Variants in SLC4A10 observed in about 807,000 individuals in gnomAD.
SLC4A10 encodes sodium-driven chloride bicarbonate exchanger.
A neutral mutation model predicts 137.7 loss-of-function variants in SLC4A10; 42 were observed. The observed-to-expected ratio is 0.30, with a 90% confidence interval of 0.24 to 0.39. SLC4A10 has a LOEUF of 0.39. Among genes scored for constraint, SLC4A10 ranks in the 10% least tolerant of loss-of-function variants. The pLI, the probability that SLC4A10 is intolerant of heterozygous loss-of-function variation, is 1.00. For synonymous variants in SLC4A10, 474 were observed against 464.1 expected, an observed-to-expected ratio of 1.02 and a Z score of -0.27; for missense variants, 925 against 1,355.0, an observed-to-expected ratio of 0.68 and a Z score of 4.98.
intron 10 of SLC4A10, among the ~76,000 whole-genome samples, chr2:161,892,189 A>G (rs1361051190): frequency 6.6e-6 from 1 of 152,116 alleles, no homozygotes; most frequent in Non-Finnish European, 1.5e-5. Flanking sequence ...TCATCTACCT[A>G]AAACACGGTA....
chr2:161,946,369 T>C (rs1448430523), intron 16 of SLC4A10, among the ~76,000 whole-genome samples: 1 of 152,076 alleles, frequency 6.6e-6, no homozygotes, highest in Non-Finnish European at 1.5e-5. Context: ...ACAGTGTAGC[T>C]ATTTGTAATT....
chr2:161,813,203 G>T (rs1318425492), intron 3 of SLC4A10, among the ~76,000 whole-genome samples: 1 of 151,802 alleles, frequency 6.6e-6, no homozygotes, highest in African/African-American at 2.4e-5. Flanking sequence ...TGGACTCCTA[G>T]GTTTTTTCCT....
At chr2:161,652,930 C>T (rs2037008836) in intron 1 of SLC4A10, among the ~76,000 whole-genome samples, 1 of 152,018 alleles carries the variant, frequency 6.6e-6, no homozygotes, top group Non-Finnish European at 1.5e-5. Context: ...TATACACGTG[C>T]CATGGTGGTT....
intron 1 of SLC4A10, among the ~76,000 whole-genome samples, chr2:161,734,371 G>A (rs550522026): frequency 6.6e-6 from 1 of 152,212 alleles, no homozygotes; most frequent in Non-Finnish European, 1.5e-5. Flanking sequence ...GAGATCTGAT[G>A]GTTTTATCAG....
At chr2:161,657,776 T>C (rs966684094) in intron 1 of SLC4A10, among the ~76,000 whole-genome samples, 1 of 152,074 alleles carries the variant, frequency 6.6e-6, no homozygotes, top group Non-Finnish European at 1.5e-5. Context: ...GAAATTATAA[T>C]AGACCAATAT....
chr2:161,979,787 A>G (rs1370314660), intron 26 of SLC4A10, among the ~76,000 whole-genome samples: 2 of 152,178 alleles, frequency 1.3e-5, no homozygotes, highest in African/African-American at 2.4e-5. Flanking sequence ...GCTGGCACCC[A>G]TGCAGCCTTT....
intron 15 of SLC4A10, among the ~76,000 whole-genome samples, chr2:161,933,399 CCCTTT>C (rs1183937522): frequency 6.7e-6 from 1 of 150,084 alleles, no homozygotes; most frequent in African/African-American, 2.5e-5. Context: ...CCCTTCCCTT[CCCTTT>C]CCTCTTTCTT....
rs745845888 is a variant in SLC4A10 at position 161,879,301 on chromosome 2, A to G, written c.1106+13A>G. ...CAATCCCAACCAGGTAAAAAGTATA[A>G]AAGCGTCTTTTGTATTTTTCTTAAA... On this transcript the variant is annotated intron_variant, in intron 9 of 26. Transcript: ENST00000446997. 57 of 1,593,348 alleles carry G rather than the reference A, an allele frequency of 3.6e-5. No individual in the cohort carries two copies. The highest frequency in any genetic ancestry group is 2.1e-4 in the Admixed American group (12 of 57,162).
intron 1 of SLC4A10, among the ~76,000 whole-genome samples, chr2:161,713,264 A>G (rs1402769183): frequency 6.6e-6 from 1 of 151,844 alleles, no homozygotes; most frequent in Admixed American, 6.6e-5. Context: ...TTGCTGATGT[A>G]CGTATTCCTG....
intron 10 of SLC4A10, among the ~76,000 whole-genome samples, chr2:161,885,668 T>A (rs1160823877): frequency 6.6e-6 from 1 of 152,248 alleles, no homozygotes; most frequent in African/African-American, 2.4e-5. Context: ...TCAACACTGC[T>A]ACCAATGTGT....
At chr2:161,839,713 G>A in intron 3 of SLC4A10, 76 bp from the exon 4 acceptor site, 1 of 1,546,554 alleles carries the variant, frequency 6.5e-7, no homozygotes, top group Non-Finnish European at 8.8e-7. Flanking sequence ...TGGTGCTGAA[G>A]GCAGTGACTG....
chr2:161,810,177 A>T (rs1267563926), intron 3 of SLC4A10, among the ~76,000 whole-genome samples: 1 of 151,932 alleles, frequency 6.6e-6, no homozygotes, highest in Non-Finnish European at 1.5e-5. Context: ...ATACAATGTT[A>T]TTGCTGTACA....
intron 15 of SLC4A10, among the ~76,000 whole-genome samples, chr2:161,936,699 T>C (rs888482336): frequency 2.6e-5 from 4 of 152,194 alleles, no homozygotes; most frequent in Admixed American, 2.6e-4. Context: ...GCTCAACATT[T>C]GTTGATTTTG....
At chr2:161,865,176 A>G (rs2060665177) in intron 6 of SLC4A10, among the ~76,000 whole-genome samples, 1 of 151,814 alleles carries the variant, frequency 6.6e-6, no homozygotes. Context: ...TTTTTTTTTC[A>G]GGCAAGAGAC....
At chr2:161,858,696 G>A (rs948403373) in intron 5 of SLC4A10, among the ~76,000 whole-genome samples, 1 of 152,064 alleles carries the variant, frequency 6.6e-6, no homozygotes, top group African/African-American at 2.4e-5. Context: ...GATTAATGAT[G>A]GAAATATCCT....
intron 2 of SLC4A10, among the ~76,000 whole-genome samples, chr2:161,802,475 C>T (rs1209225469): frequency 6.6e-6 from 1 of 151,922 alleles, no homozygotes; most frequent in African/African-American, 2.4e-5. Flanking sequence ...TTCAGTTATC[C>T]CTTTCAAAGA....
At chr2:161,764,384 T>C (rs2050580646) in intron 1 of SLC4A10, among the ~76,000 whole-genome samples, 1 of 152,054 alleles carries the variant, frequency 6.6e-6, no homozygotes, top group Non-Finnish European at 1.5e-5. Context: ...GGAGGTTTAT[T>C]GGGAGAGGAA....
intron 1 of SLC4A10, among the ~76,000 whole-genome samples, chr2:161,677,523 A>T (rs768991290): frequency 1.3e-5 from 2 of 152,226 alleles, no homozygotes; most frequent in Non-Finnish European, 2.9e-5. Context: ...TTTCAAGAAC[A>T]TACTGCTACA....
intron 23 of SLC4A10, among the ~76,000 whole-genome samples, chr2:161,968,530 C>G (rs775427829): frequency 1.3e-5 from 2 of 152,080 alleles, no homozygotes; most frequent in Non-Finnish European, 2.9e-5. Flanking sequence ...TCCTTCATAT[C>G]CAAGTTAGAG....
Sources: allele counts gnomAD v4.1 joint callset (sites outside exome capture counted in the v4.1 genomes callset), GRCh38; gene constraint gnomAD v4.1.1; transcripts MANE v1.5; gene names NCBI Gene and HGNC (gene_info 2026-07-23, HGNC 2026-07-21).